RANBP17: variants seen among roughly 807,000 people sequenced by gnomAD.
RANBP17 encodes the protein RAN binding protein 17.
In RANBP17, 158 loss-of-function variants were observed where a neutral mutation model predicts 141.2. The observed-to-expected ratio is 1.12, with a 90% confidence interval of 0.98 to 1.28. RANBP17 has a LOEUF of 1.28. RANBP17 is among the 50% of genes most tolerant of loss of function. The probability of loss-of-function intolerance (pLI) is 0.00; values close to 1 mark genes in which losing one functional copy is unlikely to be tolerated. For missense variants in RANBP17, 1,438 were observed against 1,290.7 expected (o/e 1.11, Z -1.75); for synonymous variants, 430 against 450.0 (o/e 0.96, Z 0.56).
At chr5:171,220,010 T>C (rs1175940608) in intron 21 of RANBP17, among the ~76,000 whole-genome samples, 6 of 152,100 alleles carry the variant, frequency 3.9e-5, no homozygotes, top group Non-Finnish European at 8.8e-5. Context: ...TTTGTGCTGG[T>C]TTTTCCTCAT....
chr5:171,258,305 A>C (rs909074278), intron 24 of RANBP17, among the ~76,000 whole-genome samples: 1 of 152,174 alleles, frequency 6.6e-6, no homozygotes. Context: ...AAATGTCCAT[A>C]TTGCCCAGAG....
chr5:170,931,112 G>A (rs1439985333), intron 12 of RANBP17, among the ~76,000 whole-genome samples: 1 of 152,206 alleles, frequency 6.6e-6, no homozygotes, highest in Non-Finnish European at 1.5e-5. Context: ...TCTAACTGGT[G>A]TGATATGGTA....
chr5:171,006,641 T>C (rs998455879), intron 14 of RANBP17, among the ~76,000 whole-genome samples: 13 of 151,926 alleles, frequency 8.6e-5, no homozygotes, highest in Admixed American at 7.2e-4. Context: ...ATATACCTAA[T>C]GTTACATGAC....
intron 14 of RANBP17, among the ~76,000 whole-genome samples, chr5:171,151,413 G>T (rs17073377): frequency 0.08 from 12,176 of 152,112 alleles, 705 homozygotes; most frequent in African/African-American, 0.16. Context: ...TTCAAGAGTC[G>T]CCTTAAATAT....
chr5:171,255,980 A>T (rs1458592682), intron 24 of RANBP17, among the ~76,000 whole-genome samples: 2 of 152,204 alleles, frequency 1.3e-5, no homozygotes, highest in African/African-American at 4.8e-5. Flanking sequence ...ATTATTTAAG[A>T]CAGGAACCAG....
chr5:171,188,219 ATC>A (rs1761399039), intron 18 of RANBP17, among the ~76,000 whole-genome samples: 1 of 152,236 alleles, frequency 6.6e-6, no homozygotes. Flanking sequence ...AAAGAGAACT[ATC>A]TATAAATATT....
intron 14 of RANBP17, among the ~76,000 whole-genome samples, chr5:171,147,339 T>TGTGTG (rs1554105339): frequency 2.7e-4 from 28 of 104,850 alleles, no homozygotes; most frequent in African/African-American, 7.1e-4. Context: ...CTTGGTTGTT[T>TGTGTG]TGTGTGTGTG....
intron 20 of RANBP17, chr5:171,207,540 C>T (rs1451447106): frequency 6.6e-6 from 1 of 152,096 alleles, no homozygotes; most frequent in African/African-American, 2.4e-5. Flanking sequence ...GAACTAGAAA[C>T]CTTTGTCTCC....
At chr5:171,144,221 A>G (rs1759332395) in intron 14 of RANBP17, among the ~76,000 whole-genome samples, 1 of 152,000 alleles carries the variant, frequency 6.6e-6, no homozygotes, top group African/African-American at 2.4e-5. Flanking sequence ...AAAATTAGCT[A>G]GGAATGGTGG....
chr5:170,971,844 C>T (rs1395938371), intron 14 of RANBP17, among the ~76,000 whole-genome samples: 1 of 152,104 alleles, frequency 6.6e-6, no homozygotes, highest in Non-Finnish European at 1.5e-5. Flanking sequence ...TTGCTTCTCC[C>T]CACTCCACTC....
At chr5:171,279,534 T>G (rs1767725326) in intron 25 of RANBP17, among the ~76,000 whole-genome samples, 1 of 152,190 alleles carries the variant, frequency 6.6e-6, no homozygotes, top group Non-Finnish European at 1.5e-5. Context: ...GGCAGAGCCC[T>G]CATGCCTAAT....
chr5:170,882,289 C>G (rs1344883085), intron 3 of RANBP17, among the ~76,000 whole-genome samples: 1 of 152,058 alleles, frequency 6.6e-6, no homozygotes, highest in Non-Finnish European at 1.5e-5. Flanking sequence ...ACCATGTTGG[C>G]CAGGATAGTC....
At chr5:170,964,856 A>C (rs1459648591) in intron 13 of RANBP17, among the ~76,000 whole-genome samples, 1 of 152,196 alleles carries the variant, frequency 6.6e-6, no homozygotes, top group Non-Finnish European at 1.5e-5. Flanking sequence ...CACAATAAAC[A>C]TACGTGTGCA....
rs112831555 is a variant in RANBP17, at chr5:171,064,458, C to G, written c.1710+96081C>G. Among the ~76,000 whole-genome samples the G allele has an allele frequency of 7.7e-3, 1,176 of 152,156 alleles. 6 individuals are homozygous for G. The highest frequency in any genetic ancestry group is 0.012 in the Non-Finnish European group (802 of 67,990). The stretch of plus-strand genomic sequence containing the variant: ...ACATAATTAACAAGCATTTTTATAT[C>G]TCCTTTGAGTTGTTTATTCAAATCT... On this transcript the variant is annotated intron_variant, in intron 14 of 27. Coordinates refer to ENST00000523189, the MANE Select transcript of RANBP17 (RefSeq NM_022897.5).
chr5:171,224,861 T>C (rs776669051), intron 22 of RANBP17, among the ~76,000 whole-genome samples: 18 of 152,230 alleles, frequency 1.2e-4, no homozygotes, highest in Non-Finnish European at 2.1e-4. Context: ...CCATTTACCA[T>C]ACATTACCCT....
At chr5:170,995,469 A>G (rs1465318717) in intron 14 of RANBP17, among the ~76,000 whole-genome samples, 1 of 152,170 alleles carries the variant, frequency 6.6e-6, no homozygotes, top group Admixed American at 6.5e-5. Context: ...GAAGGTCCTT[A>G]AAAATATTCC....
intron 14 of RANBP17, among the ~76,000 whole-genome samples, chr5:171,097,605 C>A (rs1257824539): frequency 7.2e-6 from 1 of 138,854 alleles, no homozygotes; most frequent in East Asian, 2.1e-4. Flanking sequence ...TGTATGTAGT[C>A]TTTTTATTAT....
intron 14 of RANBP17, among the ~76,000 whole-genome samples, chr5:171,059,250 CT>C (rs953055929): frequency 1.3e-5 from 2 of 152,068 alleles, no homozygotes; most frequent in African/African-American, 2.4e-5. Flanking sequence ...TGCCTATGTC[CT>C]GAATGGTAAT....
rs995383766 is a variant in RANBP17 at position 171,262,575 on chromosome 5, T to C, written c.2777-3106T>C. Among the ~76,000 whole-genome samples, 2 of 152,318 alleles carry C rather than the reference T, an allele frequency of 1.3e-5. 1 individual carries two copies. Among genetic ancestry groups the C allele is most frequent in the South Asian group, 4.1e-4 (2 of 4,822 alleles). Reference sequence around the variant, plus strand: ...ATGGAGTACCATGTGATATTTGATATAGGTATACACTGTGTAATGACCATT... The same window carrying C: ...ATGGAGTACCATGTGATATTTGATACAGGTATACACTGTGTAATGACCATT... On this transcript the variant is annotated intron_variant, in intron 24 of 27. Coordinates refer to ENST00000523189, the MANE Select transcript of RANBP17 (RefSeq NM_022897.5).
Sources: allele counts gnomAD v4.1 joint callset (sites outside exome capture counted in the v4.1 genomes callset), GRCh38; gene constraint gnomAD v4.1.1; transcripts MANE v1.5; gene names NCBI Gene and HGNC (gene_info 2026-07-23, HGNC 2026-07-21).